PPP3CA: variants seen among roughly 807,000 people sequenced by gnomAD.
The protein encoded by PPP3CA is protein phosphatase 3 catalytic subunit alpha.
Under a neutral mutation model 66.5 loss-of-function variants are expected in PPP3CA, and 14 were observed. The ratio of observed to expected loss-of-function variants is 0.21; its 90% CI spans 0.14 to 0.33. PPP3CA has a LOEUF of 0.33. Ranked by LOEUF, PPP3CA falls within the 10% of genes least tolerant of loss-of-function variation. The pLI is 1.00. For synonymous variants in PPP3CA, 232 were observed against 226.2 expected (o/e 1.03, Z -0.23); for missense variants, 317 against 639.5 (o/e 0.50, Z 5.44).
intron 1 of PPP3CA, among the ~76,000 whole-genome samples, chr4:101,346,338 G>T (rs1405869459): frequency 6.6e-6 from 1 of 152,216 alleles, no homozygotes; most frequent in Admixed American, 6.5e-5. Context: ...TCCCTCTGCA[G>T]AAGAAAACCA....
At chr4:101,128,736 C>T (rs1033556929) in intron 2 of PPP3CA, among the ~76,000 whole-genome samples, 22 of 152,114 alleles carry the variant, frequency 1.4e-4, no homozygotes, top group African/African-American at 2.4e-4. Flanking sequence ...GCTTTCCCCA[C>T]GGCCTTTGCG....
chr4:101,145,277 C>T (rs1209494681), intron 2 of PPP3CA, among the ~76,000 whole-genome samples: 1 of 152,080 alleles, frequency 6.6e-6, no homozygotes, highest in African/African-American at 2.4e-5. Flanking sequence ...TCTAACAATC[C>T]CATTGTTGGG....
chr4:101,176,098 T>G (rs1308598141), intron 2 of PPP3CA, among the ~76,000 whole-genome samples: 2 of 152,124 alleles, frequency 1.3e-5, no homozygotes, highest in African/African-American at 4.8e-5. Flanking sequence ...TCTGTCCCGC[T>G]GCCAAACATG....
At chr4:101,119,511 AAAC>A (rs1369675689) in intron 2 of PPP3CA, among the ~76,000 whole-genome samples, 40 of 151,136 alleles carry the variant, frequency 2.6e-4, no homozygotes, top group African/African-American at 9.2e-4. Context: ...GAAAAAACAA[AAAC>A]AAAAACAAAA....
chr4:101,195,725 AC>A (rs1452952642), intron 2 of PPP3CA, among the ~76,000 whole-genome samples, 190 bp downstream of exon 2: 1 of 151,660 alleles, frequency 6.6e-6, no homozygotes, highest in Non-Finnish European at 1.5e-5. Context: ...TTGCAATCTT[AC>A]AGATATTTAA....
chr4:101,207,959 C>T (rs1230684963), intron 1 of PPP3CA, among the ~76,000 whole-genome samples: 4 of 152,080 alleles, frequency 2.6e-5, no homozygotes, highest in African/African-American at 9.7e-5. Context: ...ATCCAAAAAG[C>T]TTCAGTTCCA....
chr4:101,309,866 C>A (rs1214964525), intron 1 of PPP3CA, among the ~76,000 whole-genome samples: 1 of 152,066 alleles, frequency 6.6e-6, no homozygotes, highest in Admixed American at 6.6e-5. Flanking sequence ...AAATAGTGTG[C>A]TACACATTCC....
At chr4:101,296,431 C>G (rs1728201648) in intron 1 of PPP3CA, among the ~76,000 whole-genome samples, 1 of 152,044 alleles carries the variant, frequency 6.6e-6, no homozygotes, top group Non-Finnish European at 1.5e-5. Flanking sequence ...TTTTACTGCT[C>G]CTTAACAGAT....
intron 1 of PPP3CA, among the ~76,000 whole-genome samples, chr4:101,302,204 G>C (rs1353553353): frequency 1.3e-5 from 2 of 152,184 alleles, no homozygotes; most frequent in South Asian, 2.1e-4. Flanking sequence ...TCCCCAGAAT[G>C]TTGCTCAAAT....
At chr4:101,106,696 G>A (rs752080746) in intron 3 of PPP3CA, among the ~76,000 whole-genome samples, 3 of 151,970 alleles carry the variant, frequency 2.0e-5, no homozygotes, top group Non-Finnish European at 4.4e-5. Context: ...GGCCATTTCT[G>A]GGAAACATCC....
chr4:101,100,111 T>C (rs1730375285), intron 3 of PPP3CA, among the ~76,000 whole-genome samples: 1 of 152,092 alleles, frequency 6.6e-6, no homozygotes, highest in Admixed American at 6.6e-5. Flanking sequence ...GAAATACTGC[T>C]ATGTGTAGTG....
chr4:101,324,517 A>G (rs1443444988), intron 1 of PPP3CA, among the ~76,000 whole-genome samples: 2 of 152,212 alleles, frequency 1.3e-5, no homozygotes, highest in Non-Finnish European at 2.9e-5. Flanking sequence ...AAGAAAATCA[A>G]GCAGCCATGC....
At position 101,124,641 on chromosome 4, in the gene PPP3CA, A is replaced by C. The variant is rs1241951217; in HGVS notation, c.260-15563T>G. On this transcript the variant is annotated intron_variant, in intron 2 of 13. Coordinates refer to ENST00000394854, the MANE Select transcript of PPP3CA (RefSeq NM_000944.5). ...GAAAAAAGAGAAAGAAAGAAAAAGA[A>C]AGAAAGAGAGGGAGAGAGAGACAGA... Among the ~76,000 whole-genome samples the C allele has an allele frequency of 2.7e-5, 4 of 149,250 alleles. No individual in the cohort carries two copies. In the Admixed American group the frequency reaches 2.7e-4, roughly 10 times the overall value.
At chr4:101,297,895 ATAGTT>A (rs1384057105) in intron 1 of PPP3CA, among the ~76,000 whole-genome samples, 2 of 152,092 alleles carry the variant, frequency 1.3e-5, no homozygotes, top group Non-Finnish European at 1.5e-5. Context: ...TTTCTTTTGA[ATAGTT>A]TAGCTGTTTT....
chr4:101,179,627 G>C (rs1477933020), intron 2 of PPP3CA, among the ~76,000 whole-genome samples: 1 of 152,052 alleles, frequency 6.6e-6, no homozygotes, highest in African/African-American at 2.4e-5. Context: ...TGCCATCAAG[G>C]TGACACCAGT....
chr4:101,212,079 CTTA>C (rs1725314941), intron 1 of PPP3CA, among the ~76,000 whole-genome samples: 1 of 151,844 alleles, frequency 6.6e-6, no homozygotes, highest in Non-Finnish European at 1.5e-5. Context: ...ATTTGTTTAA[CTTA>C]TATATTCTTA....
rs928132576 is a variant in PPP3CA, at chr4:101,108,987, C to A, written c.351G>T (p.Gly117=). The A allele has an allele frequency of 2.5e-6, 4 of 1,613,448 alleles. No homozygotes were observed. The South Asian group carries it at 4.4e-5, about 18-fold the overall frequency. The part of the protein sequence containing the change: ...SPANTRYLFL[G]DYVDRGYFSI... ...TGAAGTACCCTCTGTCAACATAGTC[C>A]CCTAAGAAGAGGTAGCGAGTGTTGG... The change falls in exon 3 of 14, where the codon GGG becomes GGT. Residue 117 remains glycine (G), a synonymous_variant. Coordinates refer to ENST00000394854, the MANE Select transcript of PPP3CA (RefSeq NM_000944.5).
At chr4:101,293,723 G>T (rs1407853471) in intron 1 of PPP3CA, among the ~76,000 whole-genome samples, 2 of 152,242 alleles carry the variant, frequency 1.3e-5, no homozygotes, top group African/African-American at 4.8e-5. Context: ...CCACAGCCAT[G>T]TAATTAGGTG....
chr4:101,175,100 T>C lies in PPP3CA; in HGVS notation c.259+20816A>G, dbSNP rs17030877. ...GCTAGAAAGAAAAGGTGTAAATGCC[T>C]TGAAAACAAATCCTAAAACAAAGAC... On this transcript the variant is annotated intron_variant, in intron 2 of 13. Transcript: ENST00000394854. Among the ~76,000 whole-genome samples, 1,249 of 152,238 alleles carry C rather than the reference T, an allele frequency of 8.2e-3. 17 individuals are homozygous for C. The highest frequency in any genetic ancestry group is 0.029 in the African/African-American group (1,200 of 41,540).
Sources: allele counts gnomAD v4.1 joint callset (sites outside exome capture counted in the v4.1 genomes callset), GRCh38; gene constraint gnomAD v4.1.1; transcripts MANE v1.5; gene names NCBI Gene and HGNC (gene_info 2026-07-23, HGNC 2026-07-21).